Variants in TSPAN16 observed in about 807,000 individuals in gnomAD.
The protein encoded by TSPAN16 is tetraspanin-16.
Under a neutral mutation model 25.2 loss-of-function variants are expected in TSPAN16, and 23 were observed. That is an observed-to-expected ratio of 0.91 (90% CI 0.66 to 1.29). The LOEUF (loss-of-function observed/expected upper bound fraction) is 1.29, where lower values mean the gene tolerates loss of function less well. Ranked by LOEUF, TSPAN16 falls within the 50% of genes most tolerant of loss-of-function variation. The pLI is 0.00. For synonymous variants in TSPAN16, 123 were observed against 124.4 expected, an observed-to-expected ratio of 0.99 and a Z score of 0.08; for missense variants, 272 against 299.9, an observed-to-expected ratio of 0.91 and a Z score of 0.69.
chr19:11,312,789 T>C (rs1002912372), intron 6 of TSPAN16, among the ~76,000 whole-genome samples: 4 of 151,882 alleles, frequency 2.6e-5, no homozygotes, highest in African/African-American at 9.7e-5. Context: ...GACAGAACTT[T>C]AGTAGACTGA....
intron 6 of TSPAN16, chr19:11,325,671 C>A (rs2080808567): frequency 1.4e-5 from 18 of 1,301,458 alleles, no homozygotes; most frequent in Non-Finnish European, 1.6e-5. Flanking sequence ...GGCTTCTAAG[C>A]CTAGTTCTGC....
chr19:11,316,199 A>T (rs1257184265), downstream of TSPAN16, among the ~76,000 whole-genome samples: 1 of 143,344 alleles, frequency 7.0e-6, no homozygotes, highest in East Asian at 2.0e-4. Flanking sequence ...GCTCACTGCA[A>T]CCTCCACCTC....
downstream of TSPAN16, among the ~76,000 whole-genome samples, chr19:11,319,470 C>T (rs183732900): frequency 1.7e-3 from 262 of 152,180 alleles, no homozygotes; most frequent in Middle Eastern, 6.8e-3. Context: ...TGGTGGCACA[C>T]GCCCTGTAAT....
chr19:11,305,745 A>G (rs2080619388), intron 4 of TSPAN16, among the ~76,000 whole-genome samples: 1 of 152,014 alleles, frequency 6.6e-6, no homozygotes, highest in Admixed American at 6.6e-5. Flanking sequence ...CTGCACCTGT[A>G]GTCCCAGCTA....
chr19:11,298,151 A>C lies in TSPAN16; in HGVS notation c.79A>C (p.Ile27Leu). The C allele has an allele frequency of 1.2e-6, 2 of 1,614,160 alleles. No individual in the cohort carries two copies. The highest frequency in any genetic ancestry group is 1.7e-6 in the Non-Finnish European group (2 of 1,180,018). The change falls in exon 2 of 7, where the codon ATC (isoleucine) becomes CTC (leucine). Residue 27 changes from isoleucine (I) to leucine (L), a missense_variant. Transcript: ENST00000590327. ...LLNGFVAVSG[I>L]ILVGLGIGGK... ...GGTTTCTGTTCTAAAGGTGTCTGGC[A>C]TCATCCTAGTTGGCCTGGGCATTGG...
At chr19:11,301,692 T>A (rs35753011) in intron 4 of TSPAN16, among the ~76,000 whole-genome samples, 3,266 of 151,106 alleles carry the variant, frequency 0.022, 46 homozygotes, top group Middle Eastern at 0.035. Context: ...TCCCAGCTAC[T>A]AAGGAGGCTG....
chr19:11,325,713 G>A, intron 6 of TSPAN16: 1 of 827,348 alleles, frequency 1.2e-6, no homozygotes, highest in Non-Finnish European at 1.9e-6. Context: ...TTGGTTGTGT[G>A]CCTTTGCCAC....
chr19:11,305,600 C>A (rs956521511), intron 4 of TSPAN16, among the ~76,000 whole-genome samples: 2 of 151,990 alleles, frequency 1.3e-5, no homozygotes, highest in Admixed American at 6.6e-5. Context: ...GGTGCAGTGG[C>A]TCACATCTGT....
intron 6 of TSPAN16, among the ~76,000 whole-genome samples, chr19:11,321,763 G>A (rs148791109): frequency 1.3e-3 from 198 of 152,340 alleles, no homozygotes; most frequent in Non-Finnish European, 1.9e-3. Flanking sequence ...GGGAGCCATC[G>A]AATGTTCTAA....
chr19:11,309,228 AAAAG>A (rs1265487161), intron 5 of TSPAN16, among the ~76,000 whole-genome samples: 1 of 152,082 alleles, frequency 6.6e-6, no homozygotes, highest in African/African-American at 2.4e-5. Context: ...AAAAAAAAAA[AAAAG>A]AAGAAGAAAT....
chr19:11,296,940 T>C (rs1414946626), intron 1 of TSPAN16, among the ~76,000 whole-genome samples: 1 of 152,234 alleles, frequency 6.6e-6, no homozygotes, highest in East Asian at 1.9e-4. Context: ...CTCAGGAGGC[T>C]GAGGCATGTG....
rs1198585074 is a variant in TSPAN16, at chr19:11,320,986, T to C, written c.688-5808T>C. On this transcript the variant is annotated intron_variant, in intron 6 of 6. Coordinates refer to the TSPAN16 transcript ENST00000316737. The stretch of plus-strand genomic sequence containing the variant: ...GCGTTCGAGACCAGCCTGGCCAACG[T>C]GGTGAAACCCCGTCTCTACTAAAAA... Among the ~76,000 whole-genome samples the C allele has an allele frequency of 2.6e-5, 4 of 151,896 alleles. 1 individual carries two copies. The highest frequency in any genetic ancestry group is 7.2e-5 in the African/African-American group (3 of 41,380).
At chr19:11,306,325 C>G (rs2080625765) in intron 4 of TSPAN16, among the ~76,000 whole-genome samples, 1 of 151,950 alleles carries the variant, frequency 6.6e-6, no homozygotes, top group African/African-American at 2.4e-5. Flanking sequence ...TCCTGAGTAG[C>G]TGGGAATACC....
At chr19:11,300,289 A>G (rs2080530117) in intron 3 of TSPAN16, among the ~76,000 whole-genome samples, 1 of 152,244 alleles carries the variant, frequency 6.6e-6, no homozygotes, top group Admixed American at 6.5e-5. Context: ...AAGGGAAGAC[A>G]GCCCACAAAA....
rs183729560 is a variant in TSPAN16, at chr19:11,297,417, T to G, written c.70-725T>G. On this transcript the variant is annotated intron_variant, in intron 1 of 6. Transcript: ENST00000590327. ...GCGTAGTTTCAACAGACACCTTAAG[T>G]CCTGCAGAGGCCACAACATCTGGGT... is the stretch of plus-strand genomic sequence containing the variant. 1.0e-3 allele frequency among the ~76,000 whole-genome samples: 156 copies of G among 152,248 alleles called. 2 individuals carry two copies. The highest frequency in any genetic ancestry group is 3.6e-3 in the African/African-American group (151 of 41,542).
At chr19:11,324,420 G>A (rs953706797) in intron 6 of TSPAN16, 2 of 152,280 alleles carry the variant, frequency 1.3e-5, no homozygotes, top group African/African-American at 4.8e-5. Context: ...AACTGCCTGC[G>A]GTGGCTGGGA....
At chr19:11,317,045 C>T (rs886185638), downstream of TSPAN16, among the ~76,000 whole-genome samples, 2 of 151,848 alleles carry the variant, frequency 1.3e-5, no homozygotes, top group African/African-American at 2.4e-5. Context: ...TCAAGTGATC[C>T]GCCTGCCTCG....
chr19:11,303,556 A>AAAAT (rs1378660317), intron 4 of TSPAN16, among the ~76,000 whole-genome samples: 1 of 132,850 alleles, frequency 7.5e-6, no homozygotes, highest in Non-Finnish European at 1.6e-5. Context: ...TGATCAATAA[A>AAAAT]AAATAAATAA....
intron 5 of TSPAN16, among the ~76,000 whole-genome samples, chr19:11,310,761 A>T (rs982822099): frequency 2.0e-5 from 3 of 152,226 alleles, no homozygotes; most frequent in African/African-American, 7.2e-5. Flanking sequence ...GCACTTAAAA[A>T]TAACTAACAG....
Sources: allele counts gnomAD v4.1 joint callset (sites outside exome capture counted in the v4.1 genomes callset), GRCh38; gene constraint gnomAD v4.1.1; transcripts MANE v1.5; gene names NCBI Gene and HGNC (gene_info 2026-07-23, HGNC 2026-07-21).